Variants in PTPRN2 observed in about 807,000 individuals in gnomAD.
PTPRN2 encodes the protein protein tyrosine phosphatase receptor type N2.
PTPRN2 carries 74 observed loss-of-function variants against 118.8 expected under a neutral mutation model. The observed-to-expected ratio is 0.62, with a 90% CI of 0.52 to 0.76. PTPRN2 has a LOEUF of 0.76. Among genes scored for constraint, PTPRN2 ranks in the 30% least tolerant of loss-of-function variants. PTPRN2 has a pLI of 0.00. For synonymous variants in PTPRN2, 641 were observed against 608.0 expected (o/e 1.05, Z -0.80); for missense variants, 1,481 against 1,394.4 (o/e 1.06, Z -0.99).
intron 3 of PTPRN2, among the ~76,000 whole-genome samples, chr7:158,312,901 T>G (rs777024943): frequency 6.6e-6 from 1 of 151,556 alleles, no homozygotes; most frequent in Non-Finnish European, 1.5e-5. Flanking sequence ...CAGGTGTGCA[T>G]GCATGTGTGG....
chr7:158,078,752 C>T (rs990754342), intron 11 of PTPRN2, among the ~76,000 whole-genome samples: 6 of 152,232 alleles, frequency 3.9e-5, no homozygotes, highest in South Asian at 2.1e-4. Flanking sequence ...CTCCTGAGGC[C>T]GATGGGCCAG....
At position 157,621,502 on chromosome 7, in the gene PTPRN2, A is replaced by G. The variant is rs949522338; in HGVS notation, c.2204T>C (p.Met735Thr). 6.2e-7 allele frequency: 1 copy of G among 1,612,868 alleles called. No homozygotes were observed. Among genetic ancestry groups the G allele is most frequent in the Non-Finnish European group, 8.5e-7 (1 of 1,180,036 alleles). ...ISTGHMILSY[M>T]EDHLKNKNRL... The stretch of plus-strand genomic sequence containing the variant: ...GTTCTTGTTCTTCAGGTGGTCCTCC[A>G]TGTAGGACTGAAAGGGAAACACAGG... Residue 735 changes from methionine to threonine, a missense_variant, in exon 15 of 23, where the codon ATG (methionine) becomes ACG (threonine). By Grantham distance (81) the Met-to-Thr change is moderately conservative (BLOSUM62 -1). This residue lies in a region of PTPRN2 where 362 missense variants were observed against 384.1 expected (regional missense o/e 0.94). Transcript: ENST00000389418.
At chr7:158,264,738 T>G (rs1797759982) in intron 3 of PTPRN2, among the ~76,000 whole-genome samples, 1 of 152,154 alleles carries the variant, frequency 6.6e-6, no homozygotes, top group Non-Finnish European at 1.5e-5. Context: ...CAGGACTGCC[T>G]CAAGTGTGCA....
chr7:158,428,865 T>G (rs1044651285), intron 2 of PTPRN2, among the ~76,000 whole-genome samples: 2 of 152,176 alleles, frequency 1.3e-5, no homozygotes, highest in Non-Finnish European at 2.9e-5. Flanking sequence ...CAATGGAAAT[T>G]ATAAAAGCAG....
At chr7:157,616,454 C>T (rs962650137) in intron 15 of PTPRN2, 1 of 151,964 alleles carries the variant, frequency 6.6e-6, no homozygotes, top group Non-Finnish European at 1.5e-5. Context: ...AAAGAATCCT[C>T]AGTCTCTGGC....
At chr7:158,151,073 TCTTGCC>T (rs1821003808) in intron 6 of PTPRN2, among the ~76,000 whole-genome samples, 3 of 115,966 alleles carry the variant, frequency 2.6e-5, no homozygotes, top group Non-Finnish European at 3.8e-5. Context: ...GCCTTTCCAC[TCTTGCC>T]CCTGCCTGCC....
intron 1 of PTPRN2, among the ~76,000 whole-genome samples, chr7:158,530,831 G>A (rs930948229): frequency 5.3e-4 from 80 of 152,218 alleles, no homozygotes; most frequent in African/African-American, 1.7e-3. Flanking sequence ...GGCAAGAGGT[G>A]TCGGGCCATG....
At position 157,604,028 on chromosome 7, in the gene PTPRN2, A is replaced by C; in HGVS notation, c.2392T>G (p.Ser798Ala). The C allele has an allele frequency of 6.2e-7, 1 of 1,613,908 alleles. No homozygotes were observed. Among genetic ancestry groups the C allele is most frequent in the Non-Finnish European group, 8.5e-7 (1 of 1,180,004 alleles). ...ATGGGGCTAGCGTTGATGTAGTCTGAGTGGCTGTGGCTGTTCTCCGCCTTC... is the reference window on the plus strand; with the variant it reads ...ATGGGGCTAGCGTTGATGTAGTCTGCGTGGCTGTGGCTGTTCTCCGCCTTC... ...LLKAENSHSH[S>A]DYINASPIMD... The change falls in exon 16 of 23, where the codon TCA (serine) becomes GCA (alanine). Residue 798 changes from serine to alanine, a missense_variant. By Grantham distance (99) the Ser-to-Ala change is moderately conservative. Around this residue, in one of 3 missense-constraint regions of PTPRN2, gnomAD observed 362 missense variants for 384.1 expected, o/e 0.94. Coordinates refer to ENST00000389418, the MANE Select transcript of PTPRN2 (RefSeq NM_002847.5).
intron 11 of PTPRN2, among the ~76,000 whole-genome samples, chr7:158,072,214 T>G (rs1366168248): frequency 6.6e-6 from 1 of 152,088 alleles, no homozygotes; most frequent in East Asian, 1.9e-4. Flanking sequence ...ACCCAAGGAC[T>G]CTTGTCCAAT....
chr7:158,165,013 G>A (rs1320473943), intron 6 of PTPRN2, among the ~76,000 whole-genome samples: 2 of 152,216 alleles, frequency 1.3e-5, no homozygotes, highest in African/African-American at 4.8e-5. Context: ...GAGAGTGCAG[G>A]AGGCAGTGAA....
intron 3 of PTPRN2, among the ~76,000 whole-genome samples, chr7:158,217,050 A>G (rs1828003909): frequency 6.6e-6 from 1 of 152,268 alleles, no homozygotes; most frequent in African/African-American, 2.4e-5. Flanking sequence ...TTCATGGCAC[A>G]TACAGTTAAA....
intron 15 of PTPRN2, among the ~76,000 whole-genome samples, chr7:157,613,577 C>G (rs1018975109): frequency 1.3e-5 from 2 of 152,208 alleles, no homozygotes; most frequent in African/African-American, 4.8e-5. Context: ...AGCCGCAGGG[C>G]GAGCCCGGCT....
intron 5 of PTPRN2, among the ~76,000 whole-genome samples, chr7:158,181,825 T>C (rs1205109205): frequency 6.6e-6 from 1 of 152,224 alleles, no homozygotes; most frequent in Non-Finnish European, 1.5e-5. Flanking sequence ...TTGATTAATC[T>C]AGCTAATGGT....
intron 13 of PTPRN2, among the ~76,000 whole-genome samples, chr7:157,663,024 A>G (rs28500539): frequency 0.37 from 56,741 of 151,798 alleles, 11,770 homozygotes; most frequent in Non-Finnish European, 0.49. Flanking sequence ...CATGGGACCA[A>G]CTGAAGAGTG....
intron 12 of PTPRN2, among the ~76,000 whole-genome samples, chr7:157,875,371 G>A (rs563581115): frequency 7.2e-5 from 11 of 152,184 alleles, no homozygotes; most frequent in Non-Finnish European, 1.6e-4. Context: ...TATTCATGGT[G>A]GGAGGTGGCA....
At chr7:158,443,257 C>G (rs142371397) in intron 2 of PTPRN2, among the ~76,000 whole-genome samples, 1 of 152,166 alleles carries the variant, frequency 6.6e-6, no homozygotes, top group Non-Finnish European at 1.5e-5. Flanking sequence ...GCGGCTCCCG[C>G]GGCTCCAGGG....
rs551564896 is a variant in PTPRN2, at chr7:158,583,874, C to T, written c.112+3684G>A. Among the ~76,000 whole-genome samples the T allele has an allele frequency of 2.0e-4, 31 of 152,262 alleles. No homozygotes were observed. In the East Asian group the frequency reaches 3.9e-3, roughly 19 times the overall value. ...GGTTGCTCATTACCATCCAACCAAACGGAATCAGAGGCTCTGGACCCCAAG... is the reference window on the plus strand; with the variant it reads ...GGTTGCTCATTACCATCCAACCAAATGGAATCAGAGGCTCTGGACCCCAAG... On this transcript the variant is annotated intron_variant, in intron 1 of 22. Transcript: ENST00000389418.
At position 158,273,447 on chromosome 7, in the gene PTPRN2, A is replaced by G. The variant is rs1304518764; in HGVS notation, c.277+43372T>C. Among the ~76,000 whole-genome samples, 65 of 69,870 alleles carry G rather than the reference A, an allele frequency of 9.3e-4. 2 individuals carry two copies. The highest frequency in any genetic ancestry group is 2.6e-3 in the African/African-American group (48 of 18,696). 45.8% of individuals were successfully genotyped at this position (69,870 alleles called of 152,430 possible). ...GGGAGGAGCCGCAGACAGACGCGGG[A>G]GGAGCCGCAGACGCAGGGGGAGCCG... On this transcript the variant is annotated intron_variant, in intron 3 of 22. Coordinates refer to ENST00000389418, the MANE Select transcript of PTPRN2 (RefSeq NM_002847.5).
At chr7:158,313,530 G>A (rs1802047846) in intron 3 of PTPRN2, among the ~76,000 whole-genome samples, 1 of 152,198 alleles carries the variant, frequency 6.6e-6, no homozygotes, top group Non-Finnish European at 1.5e-5. Flanking sequence ...AGCAAGACTG[G>A]AGATGCAGGG....
Sources: gnomAD v4.1 joint callset for allele counts (sites outside exome capture counted in the v4.1 genomes callset) on GRCh38, gnomAD v4.1.1 for gene constraint, gnomAD v4.1.1 regional missense constraint, MANE v1.5 for transcripts, NCBI Gene and HGNC (gene_info 2026-07-23, HGNC 2026-07-21) for gene names.